Variants in TMEM266 observed in about 807,000 individuals in gnomAD.
TMEM266 encodes transmembrane protein 266.
A neutral mutation model predicts 50.5 loss-of-function variants in TMEM266; 33 were observed. The ratio of observed to expected loss-of-function variants is 0.65; its 90% confidence interval spans 0.50 to 0.87. The LOEUF (loss-of-function observed/expected upper bound fraction) is 0.87, where lower values mean the gene tolerates loss of function less well. Ranked by LOEUF, TMEM266 falls within the 40% of genes least tolerant of loss-of-function variation. TMEM266 has a pLI of 0.00. For synonymous variants in TMEM266, 310 were observed against 292.3 expected (o/e 1.06, Z -0.62); for missense variants, 655 against 695.1 (o/e 0.94, Z 0.65).
chr15:76,203,275 T>G (rs1817388548), intron 10 of TMEM266, among the ~76,000 whole-genome samples: 2 of 152,036 alleles, frequency 1.3e-5, no homozygotes, highest in African/African-American at 4.8e-5. Context: ...TGGGCTAGGT[T>G]AGGCAGCTGT....
chr15:76,135,685 C>A (rs973383738), intron 2 of TMEM266, among the ~76,000 whole-genome samples: 1 of 152,154 alleles, frequency 6.6e-6, no homozygotes, highest in East Asian at 1.9e-4. Flanking sequence ...GTTTAAAGAT[C>A]TTGAGTCATT....
chr15:76,193,644 C>T (rs2038614568), intron 9 of TMEM266, among the ~76,000 whole-genome samples: 1 of 152,182 alleles, frequency 6.6e-6, no homozygotes, highest in Non-Finnish European at 1.5e-5. Context: ...AGCCATGCAG[C>T]CTCAGCTCGC....
chr15:76,203,982 G>A lies in TMEM266; in HGVS notation c.1263G>A (p.Glu421=), dbSNP rs1009107034. 3.7e-6 allele frequency: 6 copies of A among 1,609,026 alleles called. No homozygotes were observed. The African/African-American group carries it at 6.7e-5, about 18-fold the overall frequency. Residue 421 remains glutamate (E), a synonymous_variant, in exon 11 of 11, where the codon GAG becomes GAA. Coordinates refer to ENST00000388942, the MANE Select transcript of TMEM266 (RefSeq NM_152335.3). ...CTGCCCGCGAGGAGCCGTCCTCTGA[G>A]CCCGGCCCTTCTCCCCCGCCGCTGC...
chr15:76,098,334 C>G (rs977367039), intron 1 of TMEM266, among the ~76,000 whole-genome samples: 3 of 152,230 alleles, frequency 2.0e-5, no homozygotes, highest in Admixed American at 2.0e-4. Context: ...TTCTGACAGG[C>G]CCCTCTGCTG....
chr15:76,087,207 A>G (rs1196596474), intron 1 of TMEM266, among the ~76,000 whole-genome samples: 2 of 152,098 alleles, frequency 1.3e-5, no homozygotes, highest in African/African-American at 4.8e-5. Flanking sequence ...AGTGGTGTGG[A>G]GAAGGCTGAA....
At chr15:76,158,319 T>C (rs1224217314) in intron 4 of TMEM266, among the ~76,000 whole-genome samples, 1 of 152,220 alleles carries the variant, frequency 6.6e-6, no homozygotes, top group Non-Finnish European at 1.5e-5. Flanking sequence ...AATTAAAGGA[T>C]CTTCCAGCAT....
intron 3 of TMEM266, among the ~76,000 whole-genome samples, chr15:76,148,252 G>A: frequency 6.6e-6 from 1 of 152,204 alleles, no homozygotes; most frequent in East Asian, 1.9e-4. Context: ...GTCATCTGCA[G>A]AAGCACCTGA....
In TMEM266 at chr15:76,139,029, T is replaced by A. The variant is rs2037634936; in HGVS notation, c.227+1134T>A. Among the ~76,000 whole-genome samples, 1 of 152,240 alleles carries A rather than the reference T, an allele frequency of 6.6e-6. No homozygotes were observed. The highest frequency in any genetic ancestry group is 1.5e-5 in the Non-Finnish European group (1 of 68,036). ...ACAAGGGCTTTCCCTAGCTTCACCC[T>A]GGCAGGACCTTAGGAGCCAGTTCTG... On this transcript the variant is annotated intron_variant, in intron 3 of 10. Transcript: ENST00000388942. The surrounding 1 kb of genome is among the most constrained non-coding windows in gnomAD (Gnocchi z 4.1).
chr15:76,154,122 A>T (rs1192023110), intron 3 of TMEM266, among the ~76,000 whole-genome samples: 1 of 152,136 alleles, frequency 6.6e-6, no homozygotes, highest in Non-Finnish European at 1.5e-5. Context: ...TTGGCTCTTG[A>T]GTTTAGGGCT....
At chr15:76,120,800 C>CA (rs1428730047) in intron 1 of TMEM266, among the ~76,000 whole-genome samples, 4 of 146,320 alleles carry the variant, frequency 2.7e-5, no homozygotes, top group African/African-American at 1.0e-4. Flanking sequence ...AAGATACACA[C>CA]AGATTAACAT....
At chr15:76,195,947 C>T (rs2142086070) in intron 9 of TMEM266, among the ~76,000 whole-genome samples, 1 of 152,342 alleles carries the variant, frequency 6.6e-6, no homozygotes. Flanking sequence ...GGCCCTCCTG[C>T]TCCTCCTCTC....
At chr15:76,060,338 A>G (rs1478282826) in intron 1 of TMEM266, among the ~76,000 whole-genome samples, 4 of 147,368 alleles carry the variant, frequency 2.7e-5, no homozygotes, top group Admixed American at 2.0e-4. Flanking sequence ...TCTTGCATTT[A>G]TTAATAAAAC....
At chr15:76,169,264 G>A (rs1413764441) in intron 5 of TMEM266, among the ~76,000 whole-genome samples, 1 of 152,132 alleles carries the variant, frequency 6.6e-6, no homozygotes, top group African/African-American at 2.4e-5. Flanking sequence ...GGAGGGCTGG[G>A]AAATGTAGTC....
intron 2 of TMEM266, 128 bp from the exon 3 acceptor site, chr15:76,137,579 G>C (rs2037610726): frequency 1.1e-6 from 1 of 931,362 alleles, no homozygotes; most frequent in Non-Finnish European, 1.7e-6. Flanking sequence ...GCAGGGAAGA[G>C]GGGCAACCTT....
Position 76,203,810 on chromosome 15 carries a change from T to G in TMEM266, c.1091T>G (p.Ile364Ser). The change falls in exon 11 of 11, where the codon ATC (isoleucine) becomes AGC (serine). Residue 364 changes from isoleucine (I) to serine (S), a missense_variant. By Grantham distance (142) the Ile-to-Ser change is moderately radical. Around this residue, in one of 3 missense-constraint regions of TMEM266, gnomAD observed 455 missense variants for 401.8 expected, o/e 1.13. Transcript: ENST00000388942. Reference sequence around the variant, plus strand: ...GCAATAGACATTCACCAGCCCAACATCTCCTCGGACCTCTTCTCTCTGGAC... The same window carrying G: ...GCAATAGACATTCACCAGCCCAACAGCTCCTCGGACCTCTTCTCTCTGGAC... 6.2e-7 allele frequency: 1 copy of G among 1,614,056 alleles called. No homozygotes were observed. Among genetic ancestry groups the G allele is most frequent in the Non-Finnish European group, 8.5e-7 (1 of 1,179,986 alleles).
chr15:76,089,617 T>C (rs2036822507), intron 1 of TMEM266, among the ~76,000 whole-genome samples: 1 of 152,064 alleles, frequency 6.6e-6, no homozygotes, highest in African/African-American at 2.4e-5. Context: ...GTTTAAACAT[T>C]CTGTGAGCAG....
chr15:76,156,824 C>A, intron 4 of TMEM266, 66 bp downstream of exon 4: 1 of 1,535,128 alleles, frequency 6.5e-7, no homozygotes, highest in Non-Finnish European at 8.9e-7. Flanking sequence ...CATCTGCATT[C>A]ATCAGGGGTC....
intron 1 of TMEM266, among the ~76,000 whole-genome samples, chr15:76,117,428 C>G (rs1026124018): frequency 6.6e-6 from 1 of 151,970 alleles, no homozygotes; most frequent in Non-Finnish European, 1.5e-5. Context: ...AACTGGGCTC[C>G]GACTAAGAGA....
At chr15:76,174,289 G>A (rs2038236532) in intron 7 of TMEM266, among the ~76,000 whole-genome samples, 1 of 152,184 alleles carries the variant, frequency 6.6e-6, no homozygotes, top group Admixed American at 6.5e-5. Context: ...GGTAGCTCAT[G>A]CCTGTAATTC....
Sources: allele counts gnomAD v4.1 joint callset (sites outside exome capture counted in the v4.1 genomes callset), GRCh38; gene constraint gnomAD v4.1.1; regional missense constraint gnomAD v4.1.1; non-coding constraint Gnocchi (gnomAD v3.1); transcripts MANE v1.5; gene names NCBI Gene and HGNC (gene_info 2026-07-23, HGNC 2026-07-21).